Variants in RABGAP1L observed in about 807,000 individuals in gnomAD.
RABGAP1L encodes RAB GTPase activating protein 1 like.
RABGAP1L carries 63 observed loss-of-function variants against 137.7 expected under a neutral mutation model. The observed-to-expected ratio is 0.46, with a 90% CI of 0.37 to 0.56. The LOEUF is 0.56. Ranked by LOEUF, RABGAP1L falls within the 20% of genes least tolerant of loss-of-function variation. The pLI, the probability that RABGAP1L is intolerant of heterozygous loss-of-function variation, is 0.00. For synonymous variants in RABGAP1L, 431 were observed against 433.7 expected, an observed-to-expected ratio of 0.99 and a Z score of 0.08; for missense variants, 1,095 against 1,244.0, an observed-to-expected ratio of 0.88 and a Z score of 1.80.
chr1:174,808,446 C>A (rs926726391), intron 18 of RABGAP1L, among the ~76,000 whole-genome samples: 1 of 152,006 alleles, frequency 6.6e-6, no homozygotes, highest in East Asian at 1.9e-4. Flanking sequence ...AAATTGAGGC[C>A]CTGTCTCAAA....
chr1:174,673,823 T>A (rs1398240474), intron 14 of RABGAP1L, among the ~76,000 whole-genome samples: 3 of 152,168 alleles, frequency 2.0e-5, no homozygotes, highest in African/African-American at 7.2e-5. Context: ...AAAGGCTGAA[T>A]ATGTAATGTC....
rs372354859 is a variant in RABGAP1L, at chr1:174,717,692, C to G, written c.2169+15436C>G. Among the ~76,000 whole-genome samples the G allele has an allele frequency of 7.9e-4, 120 of 152,258 alleles. 5 individuals carry two copies. In the South Asian group the frequency reaches 0.024, roughly 31 times the overall value. On this transcript the variant is annotated intron_variant, in intron 17 of 25. Coordinates refer to ENST00000681986, the MANE Select transcript of RABGAP1L (RefSeq NM_001366446.1). Reference sequence around the variant, plus strand: ...CTATTCACCAATCTAGATGTATTATCTAATTCTTGTCTTAGACCTTACATT... The same window carrying G: ...CTATTCACCAATCTAGATGTATTATGTAATTCTTGTCTTAGACCTTACATT...
At chr1:174,873,658 G>A (rs968938241) in intron 19 of RABGAP1L, among the ~76,000 whole-genome samples, 10 of 151,528 alleles carry the variant, frequency 6.6e-5, no homozygotes, top group African/African-American at 7.3e-5. Flanking sequence ...CTACAGGCGC[G>A]CGCCACCACG....
At chr1:174,196,103 C>T (rs553924538) in intron 1 of RABGAP1L, among the ~76,000 whole-genome samples, 34 of 151,922 alleles carry the variant, frequency 2.2e-4, no homozygotes, top group Admixed American at 5.9e-4. Flanking sequence ...CCAGCATGAG[C>T]CACCACGCCT....
At chr1:174,589,930 T>G (rs1016828347) in intron 13 of RABGAP1L, among the ~76,000 whole-genome samples, 1 of 152,190 alleles carries the variant, frequency 6.6e-6, no homozygotes, top group Non-Finnish European at 1.5e-5. Flanking sequence ...TAGGATGGCT[T>G]AGGCTATTCC....
chr1:174,239,441 T>G (rs1671591267), intron 4 of RABGAP1L, among the ~76,000 whole-genome samples: 1 of 152,216 alleles, frequency 6.6e-6, no homozygotes, highest in African/African-American at 2.4e-5. Flanking sequence ...GCATATTATC[T>G]TTATACTCCC....
intron 13 of RABGAP1L, among the ~76,000 whole-genome samples, chr1:174,519,106 CAT>C (rs201823593): frequency 3.3e-5 from 5 of 151,422 alleles, no homozygotes; most frequent in East Asian, 3.9e-4. Flanking sequence ...CACACACACA[CAT>C]ACACACACAC....
intron 13 of RABGAP1L, among the ~76,000 whole-genome samples, chr1:174,539,955 T>C (rs1037239702): frequency 6.6e-5 from 10 of 152,350 alleles, no homozygotes; most frequent in Admixed American, 5.2e-4. Context: ...CCAGCACCTA[T>C]TGTTTCCTGA....
intron 13 of RABGAP1L, among the ~76,000 whole-genome samples, chr1:174,623,340 A>T (rs1481638016): frequency 6.6e-6 from 1 of 152,192 alleles, no homozygotes; most frequent in African/African-American, 2.4e-5. Flanking sequence ...GGAGAACACA[A>T]TCCACACTGC....
At chr1:174,851,357 T>C (rs975216400) in intron 19 of RABGAP1L, among the ~76,000 whole-genome samples, 2 of 152,240 alleles carry the variant, frequency 1.3e-5, no homozygotes, top group Non-Finnish European at 2.9e-5. Context: ...AGCCAGAGGC[T>C]GCATCGTTTC....
At chr1:174,964,993 T>C in intron 20 of RABGAP1L, 1 of 1,463,086 alleles carries the variant, frequency 6.8e-7, no homozygotes, top group Non-Finnish European at 9.2e-7. Flanking sequence ...GAGGTAAGTT[T>C]TTTTTTTAAT....
chr1:174,969,909 C>T (rs1362786044), intron 21 of RABGAP1L, among the ~76,000 whole-genome samples: 1 of 152,112 alleles, frequency 6.6e-6, no homozygotes, highest in South Asian at 2.1e-4. Flanking sequence ...CTTAAGCTGT[C>T]TATAGGTATA....
intron 14 of RABGAP1L, among the ~76,000 whole-genome samples, chr1:174,649,811 T>C (rs182330787): frequency 6.6e-6 from 1 of 152,174 alleles, no homozygotes; most frequent in Non-Finnish European, 1.5e-5. Flanking sequence ...TTTTCCTAAC[T>C]GAATACCCTT....
At chr1:174,423,663 C>G (rs984110751) in intron 13 of RABGAP1L, among the ~76,000 whole-genome samples, 1 of 152,040 alleles carries the variant, frequency 6.6e-6, no homozygotes, top group Non-Finnish European at 1.5e-5. Flanking sequence ...TCTCTAAACC[C>G]TTTTGGAGGT....
At chr1:174,898,419 T>C (rs1382960858) in intron 19 of RABGAP1L, among the ~76,000 whole-genome samples, 1 of 152,210 alleles carries the variant, frequency 6.6e-6, no homozygotes, top group Non-Finnish European at 1.5e-5. Flanking sequence ...ACATACAATA[T>C]TCTTTTGTTT....
intron 1 of RABGAP1L, among the ~76,000 whole-genome samples, chr1:174,195,574 A>ATTCCTTCTTTCT (rs1667514467): frequency 1.3e-5 from 1 of 74,536 alleles, no homozygotes; most frequent in Admixed American, 1.4e-4. Flanking sequence ...TTCTTAATCA[A>ATTCCTTCTTTCT]TTCTTTCTTT....
intron 21 of RABGAP1L, among the ~76,000 whole-genome samples, chr1:174,974,798 TG>T (rs1159012241): frequency 6.6e-6 from 1 of 152,200 alleles, no homozygotes; most frequent in East Asian, 1.9e-4. Flanking sequence ...TGTGCTGGCC[TG>T]GCCATCTGGA....
chr1:174,189,280 C>G (rs1667036454), intron 1 of RABGAP1L, among the ~76,000 whole-genome samples: 1 of 152,212 alleles, frequency 6.6e-6, no homozygotes. Flanking sequence ...ACTAGGATTA[C>G]AGGCGTGAGC....
At chr1:174,639,299 A>G (rs1218174001) in intron 14 of RABGAP1L, among the ~76,000 whole-genome samples, 1 of 152,156 alleles carries the variant, frequency 6.6e-6, no homozygotes, top group Non-Finnish European at 1.5e-5. Context: ...TTATAATCTG[A>G]GAGTATACTG....
Sources: allele counts gnomAD v4.1 joint callset (sites outside exome capture counted in the v4.1 genomes callset), GRCh38; gene constraint gnomAD v4.1.1; transcripts MANE v1.5; gene names NCBI Gene and HGNC (gene_info 2026-07-23, HGNC 2026-07-21).